The following ADAM12 variants were observed in gnomAD, a reference collection of about 807,000 sequenced individuals.
ADAM12 encodes the protein disintegrin and metalloproteinase domain-containing protein 12.
A neutral mutation model predicts 106.4 loss-of-function variants in ADAM12; 70 were observed. The ratio of observed to expected loss-of-function variants is 0.66; its 90% confidence interval spans 0.54 to 0.80. The LOEUF (loss-of-function observed/expected upper bound fraction) is 0.80, where lower values mean the gene tolerates loss of function less well. Among genes scored for constraint, ADAM12 ranks in the 30% least tolerant of loss-of-function variants. The pLI is 0.00. For synonymous variants in ADAM12, 420 were observed against 433.5 expected (o/e 0.97, Z 0.39); for missense variants, 1,010 against 1,171.9 (o/e 0.86, Z 2.02).
intron 3 of ADAM12, among the ~76,000 whole-genome samples, chr10:126,247,038 G>T (rs1958644145): frequency 6.6e-6 from 1 of 152,154 alleles, no homozygotes. Context: ...TCTAAAAGAA[G>T]AAATGTAACT....
At chr10:126,222,166 C>G (rs548439633) in intron 3 of ADAM12, among the ~76,000 whole-genome samples, 1 of 152,292 alleles carries the variant, frequency 6.6e-6, no homozygotes, top group East Asian at 1.9e-4. Context: ...AGGGACTGCT[C>G]ATAGGTGGCT....
At chr10:126,276,136 T>C (rs1441251218) in intron 3 of ADAM12, among the ~76,000 whole-genome samples, 6 of 152,206 alleles carry the variant, frequency 3.9e-5, no homozygotes, top group Admixed American at 2.6e-4. Context: ...GATGTACTTT[T>C]AGGTAAAACA....
In ADAM12 at chr10:126,329,107, T is replaced by C. The variant is rs537751267; in HGVS notation, c.186+1305A>G. Among the ~76,000 whole-genome samples, 7 of 150,838 alleles carry C rather than the reference T, an allele frequency of 4.6e-5. No individual in the cohort carries two copies. The South Asian group carries it at 6.3e-4, about 14-fold the overall frequency. On this transcript the variant is annotated intron_variant, in intron 2 of 22. Coordinates refer to ENST00000448723, the MANE Select transcript of ADAM12 (RefSeq NM_001288973.2). ...CAGGACACATTCAGTTAAATGTGCA[T>C]TTCAGATAAGCAACAAATACTTAAA...
chr10:126,094,450 T>C (rs1210705112), intron 10 of ADAM12, among the ~76,000 whole-genome samples: 1 of 152,076 alleles, frequency 6.6e-6, no homozygotes, highest in Non-Finnish European at 1.5e-5. Context: ...CCCACAAAAC[T>C]CTTCCATTGA....
At chr10:126,017,782 C>T (rs1953687030) in intron 22 of ADAM12, among the ~76,000 whole-genome samples, 1 of 152,230 alleles carries the variant, frequency 6.6e-6, no homozygotes, top group Non-Finnish European at 1.5e-5. Context: ...CTGCATCCCA[C>T]AGCACAGCTC....
chr10:126,348,391 G>T (rs184706753), intron 1 of ADAM12, among the ~76,000 whole-genome samples: 1 of 152,162 alleles, frequency 6.6e-6, no homozygotes, highest in Admixed American at 6.5e-5. Context: ...GGGCATTCAC[G>T]TGGGAGGATG....
chr10:126,082,851 G>A (rs1382949299), intron 11 of ADAM12, among the ~76,000 whole-genome samples: 2 of 152,162 alleles, frequency 1.3e-5, no homozygotes, highest in Non-Finnish European at 2.9e-5. Flanking sequence ...GGGGGCAGGG[G>A]ACCACAGTGT....
intron 4 of ADAM12, among the ~76,000 whole-genome samples, chr10:126,139,771 G>A (rs1486523713): frequency 6.6e-6 from 1 of 152,164 alleles, no homozygotes; most frequent in African/African-American, 2.4e-5. Context: ...CAATAAGCAC[G>A]TGGCTTAGGA....
At chr10:126,125,077 A>G (rs1027362561) in intron 5 of ADAM12, among the ~76,000 whole-genome samples, 6 of 152,006 alleles carry the variant, frequency 3.9e-5, no homozygotes, top group South Asian at 4.2e-4. Context: ...ATGCAATCCA[A>G]TGGTTTCTAG....
At chr10:126,281,378 A>G (rs1347438894) in intron 2 of ADAM12, among the ~76,000 whole-genome samples, 1 of 152,222 alleles carries the variant, frequency 6.6e-6, no homozygotes, top group Non-Finnish European at 1.5e-5. Context: ...TGACAATTCT[A>G]TATGTGAATA....
At chr10:126,168,297 T>C (rs5024598) in intron 3 of ADAM12, among the ~76,000 whole-genome samples, 14,855 of 152,188 alleles carry the variant, frequency 0.098, 2,085 homozygotes, top group African/African-American at 0.31. Context: ...AATATATCTC[T>C]AGCAGTAGTA....
intron 2 of ADAM12, among the ~76,000 whole-genome samples, chr10:126,323,079 C>A (rs957199027): frequency 6.6e-6 from 1 of 152,136 alleles, no homozygotes; most frequent in African/African-American, 2.4e-5. Flanking sequence ...AGTGTTCCAA[C>A]CATGAGCCAC....
At chr10:126,309,087 CT>C (rs1960970271) in intron 2 of ADAM12, among the ~76,000 whole-genome samples, 1 of 152,238 alleles carries the variant, frequency 6.6e-6, no homozygotes, top group South Asian at 2.1e-4. Flanking sequence ...CTCCTTCCCC[CT>C]ATGCCAAGAG....
intron 8 of ADAM12, among the ~76,000 whole-genome samples, chr10:126,107,377 C>T (rs967158764): frequency 6.6e-5 from 10 of 152,186 alleles, no homozygotes; most frequent in African/African-American, 9.7e-5. Flanking sequence ...ACAGCCTTGA[C>T]GTTCTCAAGT....
rs564003652 is a variant in ADAM12 at position 126,219,235 on chromosome 10, C to T, written c.260+59680G>A. On this transcript the variant is annotated intron_variant, in intron 3 of 22. Coordinates refer to ENST00000448723, the MANE Select transcript of ADAM12 (RefSeq NM_001288973.2). ...TTATTACCCCAGATGTCATGCCTGA[C>T]GACGTGTGACCTCTGAGATGAGGGC... 8.9e-4 allele frequency among the ~76,000 whole-genome samples: 135 copies of T among 152,302 alleles called. 1 individual carries two copies. The highest frequency in any genetic ancestry group is 2.2e-3 in the Admixed American group (33 of 15,296).
At position 126,013,241 on chromosome 10, in the gene ADAM12, T is replaced by C. The variant is rs1590283293; in HGVS notation, c.*4038A>G. On this transcript the variant is annotated 3_prime_UTR_variant, in exon 23 of 23. Transcript: ENST00000448723. This position sits in a 1 kb window ranked among gnomAD's most constrained non-coding sequence, Gnocchi z 4.3. ...AAGGAAAGAAAATGGCACATTCACA[T>C]GTAGGTAAGTAGCTTCTGGAAACAT... The C allele has an allele frequency of 6.6e-6, 1 of 152,180 alleles. No homozygotes were observed. Among genetic ancestry groups the C allele is most frequent in the East Asian group, 1.9e-4 (1 of 5,194 alleles). 9.4% of individuals were successfully genotyped at this position (152,180 alleles called of 1,614,324 possible). A position where few individuals can be genotyped will look rare whatever the true frequency, so the allele number is the denominator to read the frequency against.
chr10:126,288,652 A>T (rs1180646498), intron 2 of ADAM12, among the ~76,000 whole-genome samples: 2 of 151,642 alleles, frequency 1.3e-5, no homozygotes, highest in African/African-American at 4.8e-5. Flanking sequence ...ATGTGGTGAC[A>T]TGGTGGCCCT....
chr10:126,217,736 G>A (rs1214003261), intron 3 of ADAM12, among the ~76,000 whole-genome samples: 1 of 38,554 alleles, frequency 2.6e-5, no homozygotes, highest in Non-Finnish European at 4.8e-5. Context: ...ACTTTGGGAG[G>A]CCAAGGCAGG....
At chr10:126,282,019 C>T (rs896790615) in intron 2 of ADAM12, among the ~76,000 whole-genome samples, 1 of 152,220 alleles carries the variant, frequency 6.6e-6, no homozygotes, top group Non-Finnish European at 1.5e-5. Context: ...TTTGGTGGGG[C>T]TGTCATAACA....
Sources: allele counts gnomAD v4.1 joint callset (sites outside exome capture counted in the v4.1 genomes callset), GRCh38; gene constraint gnomAD v4.1.1; non-coding constraint Gnocchi (gnomAD v3.1); transcripts MANE v1.5; gene names NCBI Gene and HGNC (gene_info 2026-07-23, HGNC 2026-07-21).